Variants in ZBTB10 observed in about 807,000 individuals in gnomAD.
The protein encoded by ZBTB10 is zinc finger and BTB domain-containing protein 10.
A neutral mutation model predicts 76.4 loss-of-function variants in ZBTB10; 32 were observed. That is an observed-to-expected ratio of 0.42 (90% confidence interval 0.32 to 0.56). The LOEUF (loss-of-function observed/expected upper bound fraction) is 0.56. Ranked by LOEUF, ZBTB10 falls within the 20% of genes least tolerant of loss-of-function variation. ZBTB10 has a pLI of 0.14. For missense variants in ZBTB10, 1,057 were observed against 1,098.5 expected, an observed-to-expected ratio of 0.96 and a Z score of 0.53; for synonymous variants, 523 against 432.9, an observed-to-expected ratio of 1.21 and a Z score of -2.58.
At chr8:80,511,777 A>G (rs901695580) in intron 2 of ZBTB10, among the ~76,000 whole-genome samples, 2 of 152,218 alleles carry the variant, frequency 1.3e-5, no homozygotes, top group Non-Finnish European at 2.9e-5. Flanking sequence ...TTCAGATACC[A>G]TGAATTAAAA....
intron 1 of ZBTB10, among the ~76,000 whole-genome samples, chr8:80,489,306 T>G (rs190798100): frequency 6.6e-6 from 1 of 152,364 alleles, no homozygotes; most frequent in Admixed American, 6.5e-5. Context: ...TATTTATTTT[T>G]TGTTCCCATT....
intron 2 of ZBTB10, among the ~76,000 whole-genome samples, chr8:80,508,913 TA>T (rs1459484991): frequency 2.0e-5 from 3 of 152,164 alleles, no homozygotes; most frequent in African/African-American, 7.2e-5. Context: ...CATTTAAGAC[TA>T]AAAAGTTTAA....
rs763632248 is a variant in ZBTB10, at chr8:80,514,005, G to A, written c.1957G>A (p.Ala653Thr). Residue 653 changes from alanine (A) to threonine (T), a missense_variant, in exon 3 of 6, where the codon GCT becomes ACT. Around this residue, in one of 5 missense-constraint regions of ZBTB10, gnomAD observed 306 missense variants for 297.5 expected, o/e 1.03. Coordinates refer to ENST00000455036, the MANE Select transcript of ZBTB10 (RefSeq NM_001105539.3). ...EAGTSQDGGD[A>T]GTSHDFKYGL... ...TGGCACTAGTCAAGATGGAGGTGAT[G>A]CTGGTAGGTACAGTAAGATTTTAGC... 1 of 1,612,950 alleles carries A rather than the reference G, an allele frequency of 6.2e-7. No homozygotes were observed. The highest frequency in any genetic ancestry group is 2.2e-5 in the East Asian group (1 of 44,856).
Position 80,522,949 on chromosome 8 carries a change from CTTTA to C in ZBTB10, c.*3427_*3430del, listed in dbSNP as rs1386510424. 5 of 151,606 alleles carry C rather than the reference CTTTA, an allele frequency of 3.3e-5. No individual in the cohort carries two copies. The highest frequency in any genetic ancestry group is 7.3e-5 in the African/African-American group (3 of 41,378). The allele number at this position is 151,606 out of a possible 1,614,324, so 9.4% of individuals were successfully genotyped here. A position where few individuals can be genotyped will look rare whatever the true frequency, so the allele number is the denominator to read the frequency against. On this transcript the variant is annotated 3_prime_UTR_variant, in exon 6 of 6. Coordinates refer to ENST00000455036, the MANE Select transcript of ZBTB10 (RefSeq NM_001105539.3). ...TCTTAATTTTTAAAACTTTAGTAAG[CTTTA>C]TTTATATTTTTTAGGATTTTCTGAA... is the stretch of plus-strand genomic sequence containing the variant.
intron 2 of ZBTB10, among the ~76,000 whole-genome samples, chr8:80,513,631 T>C (rs1311787764): frequency 6.6e-6 from 1 of 152,220 alleles, no homozygotes; most frequent in Non-Finnish European, 1.5e-5. Flanking sequence ...TAGGTGGATG[T>C]AAATTAGGGA....
Position 80,519,559 on chromosome 8 carries a change from A to T in ZBTB10, c.*31A>T. 1 of 1,565,638 alleles carries T rather than the reference A, an allele frequency of 6.4e-7. No individual in the cohort carries two copies. The highest frequency in any genetic ancestry group is 8.7e-7 in the Non-Finnish European group (1 of 1,153,228). On this transcript the variant is annotated 3_prime_UTR_variant, in exon 6 of 6. Transcript: ENST00000455036. ...CTACTATACTCCTCAAGGATGCTGC[A>T]TTTGGACCTAATATGAATCGACAAT...
intron 2 of ZBTB10, among the ~76,000 whole-genome samples, chr8:80,500,782 T>C (rs1278106318): frequency 6.6e-6 from 1 of 152,230 alleles, no homozygotes; most frequent in African/African-American, 2.4e-5. Flanking sequence ...TTTTTTATTT[T>C]ATTTTTGGCT....
intron 2 of ZBTB10, among the ~76,000 whole-genome samples, chr8:80,509,188 A>G (rs1472535597): frequency 1.3e-5 from 2 of 152,190 alleles, no homozygotes; most frequent in African/African-American, 4.8e-5. Context: ...AAGAGAAAAA[A>G]TCTATACCTG....
Position 80,499,991 on chromosome 8 carries a change from G to C in ZBTB10, c.1470G>C (p.Leu490=), listed in dbSNP as rs1426593467. ...NNRKPVNRDG[L]SSSRDQKIAS... ...GAAAACCAGTTAATAGAGATGGTCT[G>C]TCTTCATCACGGGATCAAAAAATTG... Residue 490 remains leucine (L), a synonymous_variant, in exon 2 of 6, where the codon CTG becomes CTC. Transcript: ENST00000455036. 6.2e-7 allele frequency: 1 copy of C among 1,613,824 alleles called. No individual in the cohort carries two copies. The highest frequency in any genetic ancestry group is 1.3e-5 in the African/African-American group (1 of 74,916).
At chr8:80,486,127 C>A, upstream of ZBTB10, 1 of 445,166 alleles carries the variant, frequency 2.2e-6, no homozygotes, top group East Asian at 4.6e-5. Flanking sequence ...CCCAGCCCAG[C>A]CCCAAGCCCA....
In ZBTB10 at chr8:80,518,398, A is replaced by G; in HGVS notation, c.1961-5A>G. The G allele has an allele frequency of 6.5e-7, 1 of 1,548,126 alleles. No individual in the cohort carries two copies. Among genetic ancestry groups the G allele is most frequent in the Non-Finnish European group, 8.7e-7 (1 of 1,146,300 alleles). ...TTATTAATTCAGAATTTTTACTTGTACTAGGTACTTCACATGATTTCAAGT... is the reference window on the plus strand; with the variant it reads ...TTATTAATTCAGAATTTTTACTTGTGCTAGGTACTTCACATGATTTCAAGT... On this transcript the variant is annotated splice_polypyrimidine_tract_variant and splice_region_variant and intron_variant, in intron 3 of 5. Coordinates refer to ENST00000455036, the MANE Select transcript of ZBTB10 (RefSeq NM_001105539.3).
intron 2 of ZBTB10, among the ~76,000 whole-genome samples, chr8:80,503,844 C>T (rs971724386): frequency 4.6e-5 from 7 of 152,188 alleles, no homozygotes; most frequent in Admixed American, 2.0e-4. Context: ...TAATTTAAAC[C>T]TAACCTAATT....
At chr8:80,509,201 T>C (rs1480167704) in intron 2 of ZBTB10, among the ~76,000 whole-genome samples, 2 of 152,158 alleles carry the variant, frequency 1.3e-5, no homozygotes, top group Non-Finnish European at 2.9e-5. Flanking sequence ...TATACCTGTT[T>C]ATGGGGGGGA....
chr8:80,508,594 A>G (rs1457546008), intron 2 of ZBTB10, among the ~76,000 whole-genome samples: 1 of 152,162 alleles, frequency 6.6e-6, no homozygotes, highest in Non-Finnish European at 1.5e-5. Flanking sequence ...GGTGCAGTGG[A>G]ACAGTCCTAA....
At position 80,487,131 on chromosome 8, in the gene ZBTB10, C is replaced by T. The variant is rs1364052228; in HGVS notation, c.321C>T (p.Gly107=). The change falls in exon 1 of 6, where the codon GGC becomes GGT. Residue 107 remains glycine (G), a synonymous_variant. Transcript: ENST00000455036. The part of the protein sequence containing the change: ...PQDAGGPTSL[G]GGAGGPLLAE... ...ACGCGGGCGGCCCCACCTCGCTTGGCGGTGGCGCGGGGGGCCCCCTGCTAG... is the reference window on the plus strand; with the variant it reads ...ACGCGGGCGGCCCCACCTCGCTTGGTGGTGGCGCGGGGGGCCCCCTGCTAG... 2.5e-5 allele frequency: 37 copies of T among 1,493,746 alleles called. No homozygotes were observed. The highest frequency in any genetic ancestry group is 3.2e-5 in the Non-Finnish European group (36 of 1,123,436). 92.5% of individuals were successfully genotyped at this position (1,493,746 alleles called of 1,614,324 possible).
rs1456063680 is a variant in ZBTB10 at position 80,487,527 on chromosome 8, C to T, written c.717C>T (p.Pro239=). 1 of 1,577,558 alleles carries T rather than the reference C, an allele frequency of 6.3e-7. No individual in the cohort carries two copies. The highest frequency in any genetic ancestry group is 8.6e-7 in the Non-Finnish European group (1 of 1,161,540). The change falls in exon 1 of 6, where the codon CCC becomes CCT. Residue 239 remains proline (P), a synonymous_variant. Transcript: ENST00000455036. ...TCCAGCACTTCCCGCTCGCGCGGCCCAAGTCTCTAATGCAGAAGCTCCAAT... is the reference window on the plus strand; with the variant it reads ...TCCAGCACTTCCCGCTCGCGCGGCCTAAGTCTCTAATGCAGAAGCTCCAAT... The part of the protein sequence containing the change: ...ETVQHFPLAR[P]KSLMQKLQCS...
At chr8:80,503,937 T>C (rs1815987365) in intron 2 of ZBTB10, among the ~76,000 whole-genome samples, 1 of 152,216 alleles carries the variant, frequency 6.6e-6, no homozygotes, top group Admixed American at 6.5e-5. Context: ...TCTGCCCATC[T>C]TGTGATGAAT....
rs1228068514 is a variant in ZBTB10, at chr8:80,523,801, T to G, written c.*4273T>G. 6.6e-6 allele frequency: 1 copy of G among 151,980 alleles called. No homozygotes were observed. Among genetic ancestry groups the G allele is most frequent in the Non-Finnish European group, 1.5e-5 (1 of 67,884 alleles). 9.4% of individuals were successfully genotyped at this position (151,980 alleles called of 1,614,324 possible). ...AACAATATTTTGGGTTGAGGAGAGA[T>G]GGTTGAGGCCATTATTTAGTGGGAG... On this transcript the variant is annotated 3_prime_UTR_variant, in exon 6 of 6. Transcript: ENST00000455036.
At chr8:80,496,824 T>G (rs1438361830) in intron 1 of ZBTB10, among the ~76,000 whole-genome samples, 1 of 152,222 alleles carries the variant, frequency 6.6e-6, no homozygotes, top group Non-Finnish European at 1.5e-5. Flanking sequence ...TTCATAGATA[T>G]ATGCTGCCAG....
Sources: allele counts gnomAD v4.1 joint callset (sites outside exome capture counted in the v4.1 genomes callset), GRCh38; gene constraint gnomAD v4.1.1; regional missense constraint gnomAD v4.1.1; transcripts MANE v1.5; gene names NCBI Gene and HGNC (gene_info 2026-07-23, HGNC 2026-07-21).